ADGRG1: variants seen among roughly 807,000 people sequenced by gnomAD.
The protein encoded by ADGRG1 is adhesion G protein-coupled receptor G1.
Under a neutral mutation model 73.5 loss-of-function variants are expected in ADGRG1, and 53 were observed. The ratio of observed to expected loss-of-function variants is 0.72; its 90% CI spans 0.58 to 0.91. ADGRG1 has a LOEUF of 0.91. ADGRG1 is among the 40% of genes least tolerant of loss of function. ADGRG1 has a pLI of 0.00. For missense variants in ADGRG1, 795 were observed against 871.8 expected (o/e 0.91, Z 1.11); for synonymous variants, 394 against 374.4 (o/e 1.05, Z -0.60).
intron 13 of ADGRG1, 172 bp from the exon 14 acceptor site, chr16:57,663,280 A>G (rs1347332997): frequency 1.0e-6 from 1 of 975,272 alleles, no homozygotes; most frequent in Non-Finnish European, 1.2e-6. Flanking sequence ...GACGCAGCAC[A>G]GTGCCCGGCT....
chr16:57,635,909 G>A, intron 1 of ADGRG1: 6 of 985,368 alleles, frequency 6.1e-6, no homozygotes, highest in Non-Finnish European at 7.2e-6. Flanking sequence ...TGGAAGCATG[G>A]GAGGCCAAGT....
At position 57,656,101 on chromosome 16, in the gene ADGRG1, G is replaced by A. The variant is rs1414111349; in HGVS notation, c.1017+109G>A. 104 of 1,613,008 alleles carry A rather than the reference G, an allele frequency of 6.4e-5. 1 individual carries two copies. The highest frequency in any genetic ancestry group is 8.0e-5 in the Non-Finnish European group (94 of 1,179,842). On this transcript the variant is annotated intron_variant, in intron 7 of 13. Coordinates refer to ENST00000562631, the MANE Select transcript of ADGRG1 (RefSeq NM_201525.4). ...TTTATAATGAAACGATTGCCTGATC[G>A]AGCAGTCAGGTCCAAATGGGGCGGG...
At chr16:57,643,089 G>GC (rs1175958711) in intron 1 of ADGRG1, 2 of 152,198 alleles carry the variant, frequency 1.3e-5, no homozygotes, top group Non-Finnish European at 2.9e-5. Context: ...CACCAGATAA[G>GC]ACCCCTGTTT....
intron 5 of ADGRG1, among the ~76,000 whole-genome samples, chr16:57,654,415 C>T (rs1175807595): frequency 1.5e-5 from 2 of 136,980 alleles, no homozygotes; most frequent in South Asian, 2.8e-4. Context: ...ACGCACCCCC[C>T]CCCCCCGTTT....
At position 57,653,210 on chromosome 16, in the gene ADGRG1, C is replaced by T; in HGVS notation, c.495C>T (p.Pro165=). ...ASFTFSFHSP[P]HTAAHNASVD... ...TGTCCACCCCTCCCCCAGGTCCTCC[C>T]CACACGGCCGCTCACAATGCCTCGG... Residue 165 remains proline (P), a synonymous_variant, in exon 4 of 14, where the codon CCC becomes CCT. Transcript: ENST00000562631. 2 of 1,609,282 alleles carry T rather than the reference C, an allele frequency of 1.2e-6. No individual in the cohort carries two copies. The highest frequency in any genetic ancestry group is 1.7e-6 in the Non-Finnish European group (2 of 1,179,932).
chr16:57,661,997 A>T (rs1209285881), intron 13 of ADGRG1, 32 bp downstream of exon 13: 3 of 1,565,604 alleles, frequency 1.9e-6, no homozygotes, highest in African/African-American at 2.7e-5. Context: ...TGGCCCAGGC[A>T]GGGTGTCTAC....
intron 1 of ADGRG1, chr16:57,645,490 C>T (rs182607716): frequency 3.5e-4 from 89 of 257,692 alleles, no homozygotes; most frequent in African/African-American, 1.8e-3. Context: ...CGTCACAGGG[C>T]AGGGAAGAGA....
chr16:57,642,439 A>C, intron 1 of ADGRG1: 1 of 985,184 alleles, frequency 1.0e-6, no homozygotes, highest in Non-Finnish European at 1.2e-6. Context: ...AGGGGGCTGG[A>C]GGTGCTGGCA....
At chr16:57,650,462 CT>C in intron 2 of ADGRG1, 111 bp downstream of exon 2, 1 of 1,589,074 alleles carries the variant, frequency 6.3e-7, no homozygotes, top group Non-Finnish European at 8.6e-7. Context: ...TACAGCTCGG[CT>C]AGTGGAGGGT....
chr16:57,635,134 T>C (rs1243525256), intron 1 of ADGRG1: 1 of 985,106 alleles, frequency 1.0e-6, no homozygotes, highest in Non-Finnish European at 1.2e-6. Flanking sequence ...GACCCCTTGC[T>C]CTCCCTTATC....
At chr16:57,628,873 CGTGA>C (rs1274954635) in intron 1 of ADGRG1, 71 bp downstream of exon 1, 12 of 877,928 alleles carry the variant, frequency 1.4e-5, no homozygotes, top group African/African-American at 4.0e-5. Flanking sequence ...AGTGTGTGAG[CGTGA>C]GTGTGTGAGA....
chr16:57,665,344 G>T lies in ADGRG1; in HGVS notation c.*1762G>T, dbSNP rs764865672. 1 of 152,186 alleles carries T rather than the reference G, an allele frequency of 6.6e-6. No individual in the cohort carries two copies. Among genetic ancestry groups the T allele is most frequent in the Admixed American group, 6.5e-5 (1 of 15,282 alleles). 9.4% of individuals were successfully genotyped at this position (152,186 alleles called of 1,614,324 possible). A position where few individuals can be genotyped will look rare whatever the true frequency, so the allele number is the denominator to read the frequency against. ...GCTCCAGCTGGTCACTACCTTGCAG[G>T]GATGAGGGCCCATGTAGCCAGACCA... On this transcript the variant is annotated 3_prime_UTR_variant, in exon 14 of 14. Transcript: ENST00000562631.
intron 12 of ADGRG1, 27 bp from the exon 13 acceptor site, chr16:57,661,670 G>T: frequency 6.2e-7 from 1 of 1,605,382 alleles, no homozygotes; most frequent in African/African-American, 1.3e-5. Flanking sequence ...CTGGCCACAC[G>T]CTGAGCCCTC....
intron 1 of ADGRG1, chr16:57,635,429 T>C (rs1249196971): frequency 5.1e-6 from 5 of 985,256 alleles, no homozygotes; most frequent in Non-Finnish European, 6.0e-6. Context: ...CTGGGACCAG[T>C]GCAGCACCCT....
chr16:57,660,268 T>C (rs939565377), intron 11 of ADGRG1: 2 of 985,398 alleles, frequency 2.0e-6, no homozygotes, highest in East Asian at 1.1e-4. Context: ...GGTTTGTCAT[T>C]GGGCCCCTTC....
At chr16:57,651,669 G>C (rs2148250457) in intron 3 of ADGRG1, 47 bp downstream of exon 3, 5 of 1,575,470 alleles carry the variant, frequency 3.2e-6, no homozygotes, top group Non-Finnish European at 4.3e-6. Flanking sequence ...GTGGTCTAGA[G>C]GCAGGGAAGG....
rs561435858 is a variant in ADGRG1 at position 57,643,777 on chromosome 16, T to G, written c.-35-6476T>G. On this transcript the variant is annotated intron_variant, in intron 1 of 13. Coordinates refer to ENST00000562631, the MANE Select transcript of ADGRG1 (RefSeq NM_201525.4). ...GGGGAGCTCTCTGTGGTCACCTAGC[T>G]TGGACTTCCGTCACTCACTTGGGGA... 3 of 984,794 alleles carry G rather than the reference T, an allele frequency of 3.0e-6. No individual in the cohort carries two copies. In the African/African-American group the frequency reaches 5.2e-5, roughly 17 times the overall value. 61.0% of individuals were successfully genotyped at this position (984,794 alleles called of 1,614,324 possible).
At chr16:57,629,956 G>A in intron 1 of ADGRG1, 1 of 977,890 alleles carries the variant, frequency 1.0e-6, no homozygotes, top group African/African-American at 1.7e-5. Context: ...CAAGGCAGGG[G>A]CCTCCCACCC....
Position 57,663,662 on chromosome 16 carries a change from A to C in ADGRG1, c.*80A>C. The C allele has an allele frequency of 6.7e-7, 1 of 1,492,306 alleles. No homozygotes were observed. Among genetic ancestry groups the C allele is most frequent in the Non-Finnish European group, 9.2e-7 (1 of 1,082,866 alleles). 92.4% of individuals were successfully genotyped at this position (1,492,306 alleles called of 1,614,324 possible). A position where few individuals can be genotyped will look rare whatever the true frequency, so the allele number is the denominator to read the frequency against. On this transcript the variant is annotated 3_prime_UTR_variant, in exon 14 of 14. Transcript: ENST00000562631. ...TGCCTGTGGCCCCCGAGCCCGGCCC[A>C]GCCCCAGGCCAGTCAGCCGCAGACT...
Sources: gnomAD v4.1 joint callset for allele counts (sites outside exome capture counted in the v4.1 genomes callset) on GRCh38, gnomAD v4.1.1 for gene constraint, MANE v1.5 for transcripts, NCBI Gene and HGNC (gene_info 2026-07-23, HGNC 2026-07-21) for gene names.